Variants in BZW2 observed in about 807,000 individuals in gnomAD.
The protein encoded by BZW2 is basic leucine zipper and W2 domains 2.
A neutral mutation model predicts 53.2 loss-of-function variants in BZW2; 23 were observed. The observed-to-expected ratio is 0.43, with a 90% confidence interval of 0.31 to 0.61. The LOEUF is 0.61. Among genes scored for constraint, BZW2 ranks in the 20% least tolerant of loss-of-function variants. The pLI, the probability that BZW2 is intolerant of heterozygous loss-of-function variation, is 0.09. For synonymous variants in BZW2, 227 were observed against 186.4 expected (o/e 1.22, Z -1.77); for missense variants, 409 against 503.1 (o/e 0.81, Z 1.79).
intron 1 of BZW2, among the ~76,000 whole-genome samples, chr7:16,659,893 C>T (rs1404919012): frequency 1.3e-5 from 2 of 151,044 alleles, no homozygotes; most frequent in Non-Finnish European, 2.9e-5. Context: ...GGTACATGTG[C>T]ACAACGTGCA....
chr7:16,689,337 A>G (rs1783229937), intron 6 of BZW2, among the ~76,000 whole-genome samples: 1 of 152,218 alleles, frequency 6.6e-6, no homozygotes, highest in Admixed American at 6.5e-5. Context: ...ATCTATCACT[A>G]TCAGTGTTCT....
chr7:16,678,699 C>A (rs1039818722), intron 3 of BZW2, among the ~76,000 whole-genome samples: 2 of 152,166 alleles, frequency 1.3e-5, no homozygotes, highest in Non-Finnish European at 1.5e-5. Flanking sequence ...AAGTTTGTTC[C>A]ATATCAGGGG....
intron 1 of BZW2, chr7:16,661,248 A>G (rs967093642): frequency 6.6e-6 from 1 of 152,154 alleles, no homozygotes; most frequent in Non-Finnish European, 1.5e-5. Flanking sequence ...AGGGACAACT[A>G]GAAGGTAAGT....
intron 7 of BZW2, among the ~76,000 whole-genome samples, chr7:16,691,230 C>T (rs1402838256): frequency 6.6e-6 from 1 of 152,138 alleles, no homozygotes; most frequent in Non-Finnish European, 1.5e-5. Context: ...GGGCATGGTA[C>T]CACAAGCTGC....
intron 1 of BZW2, among the ~76,000 whole-genome samples, chr7:16,653,382 C>T (rs1249417477): frequency 6.6e-6 from 1 of 152,128 alleles, no homozygotes; most frequent in Non-Finnish European, 1.5e-5. Context: ...AATAACTTGT[C>T]TTCTGACTTC....
At chr7:16,705,615 G>A (rs1187971399) in intron 11 of BZW2, among the ~76,000 whole-genome samples, 1 of 149,460 alleles carries the variant, frequency 6.7e-6, no homozygotes, top group Non-Finnish European at 1.5e-5. Flanking sequence ...AACACAGGAG[G>A]CGGAGGTTGC....
Position 16,698,123 on chromosome 7 carries a change from T to C in BZW2, c.1045T>C (p.Tyr349His). 3.7e-6 allele frequency: 6 copies of C among 1,614,228 alleles called. No individual in the cohort carries two copies. The highest frequency in any genetic ancestry group is 5.1e-6 in the Non-Finnish European group (6 of 1,180,026). The change falls in exon 10 of 12, where the codon TAC becomes CAC. Residue 349 changes from tyrosine (Y) to histidine (H), a missense_variant. Tyr to His is a moderately conservative substitution (Grantham distance 83). This residue lies in a region of BZW2 where 88 missense variants were observed against 114.6 expected (regional missense o/e 0.77). Transcript: ENST00000258761. ...GATCCTCCTCCAGAAGGTTCAGGAA[T>C]ACTGCTACGACAACATCCATTTCAT... ...ELILLQKVQE[Y>H]CYDNIHFMKA...
chr7:16,659,041 T>A (rs948159053), intron 1 of BZW2, among the ~76,000 whole-genome samples: 1 of 150,702 alleles, frequency 6.6e-6, no homozygotes, highest in Non-Finnish European at 1.5e-5. Context: ...GCAGGAGGAC[T>A]GCTTGAGCTC....
At chr7:16,688,961 C>G (rs1295069984) in intron 6 of BZW2, among the ~76,000 whole-genome samples, 2 of 152,126 alleles carry the variant, frequency 1.3e-5, no homozygotes, top group African/African-American at 4.8e-5. Context: ...TGCAATGGCT[C>G]ATGCCTGCAA....
Position 16,665,463 on chromosome 7 carries a change from C to T in BZW2, c.20C>T (p.Pro7Leu). The T allele has an allele frequency of 6.2e-7, 1 of 1,613,862 alleles. No individual in the cohort carries two copies. Among genetic ancestry groups the T allele is most frequent in the Non-Finnish European group, 8.5e-7 (1 of 1,179,990 alleles). Residue 7 changes from proline to leucine, a missense_variant, in exon 2 of 12, where the codon CCA (proline) becomes CTA (leucine). Transcript: ENST00000258761. Reference sequence around the variant, plus strand: ...AATTTTATGAATAAGCATCAGAAGCCAGTGCTAACAGGCCAGCGGTTCAAA... The same window carrying T: ...AATTTTATGAATAAGCATCAGAAGCTAGTGCTAACAGGCCAGCGGTTCAAA... MNKHQKPVLTGQRFKTR... is the reference protein window; with the variant it reads MNKHQKLVLTGQRFKTR...
chr7:16,656,593 ACAC>A (rs1361580387), intron 1 of BZW2, among the ~76,000 whole-genome samples: 1 of 151,090 alleles, frequency 6.6e-6, no homozygotes, highest in Non-Finnish European at 1.5e-5. Flanking sequence ...ACACACACAC[ACAC>A]AAGTAGGTTT....
chr7:16,673,651 A>C (rs922540544), intron 2 of BZW2, among the ~76,000 whole-genome samples: 16 of 152,090 alleles, frequency 1.1e-4, no homozygotes, highest in African/African-American at 3.4e-4. Flanking sequence ...GATTCCAAAG[A>C]GTTTTTGGGT....
chr7:16,667,009 G>A (rs193128067), intron 2 of BZW2, among the ~76,000 whole-genome samples: 85 of 152,216 alleles, frequency 5.6e-4, no homozygotes, highest in African/African-American at 1.3e-3. Flanking sequence ...GGGGCCAGGC[G>A]TGGTGGCTCA....
At chr7:16,650,493 G>C (rs1781958503) in intron 1 of BZW2, among the ~76,000 whole-genome samples, 1 of 152,136 alleles carries the variant, frequency 6.6e-6, no homozygotes, top group Non-Finnish European at 1.5e-5. Context: ...CCAGGACAGG[G>C]TGTGACTGGT....
At chr7:16,655,061 C>T (rs1027001134) in intron 1 of BZW2, among the ~76,000 whole-genome samples, 2 of 152,088 alleles carry the variant, frequency 1.3e-5, no homozygotes, top group African/African-American at 2.4e-5. Flanking sequence ...TCATAAAAAC[C>T]TGGTTGGACA....
intron 2 of BZW2, among the ~76,000 whole-genome samples, chr7:16,673,186 T>G (rs1583719086): frequency 6.6e-6 from 1 of 152,116 alleles, no homozygotes; most frequent in Non-Finnish European, 1.5e-5. Context: ...GACCTCGTGA[T>G]CCGCCCGCCT....
At chr7:16,686,738 C>T (rs183357740) in intron 6 of BZW2, 1 of 152,156 alleles carries the variant, frequency 6.6e-6, no homozygotes, top group Non-Finnish European at 1.5e-5. Flanking sequence ...AGTTTTCCTC[C>T]TACATATATG....
chr7:16,668,322 G>A (rs547563318), intron 2 of BZW2, among the ~76,000 whole-genome samples: 169 of 152,260 alleles, frequency 1.1e-3, no homozygotes, highest in Non-Finnish European at 1.5e-3. Flanking sequence ...CTTCAGAACC[G>A]GTTTGCCTCT....
intron 3 of BZW2, among the ~76,000 whole-genome samples, chr7:16,677,671 G>T (rs1782808845): frequency 6.6e-6 from 1 of 152,128 alleles, no homozygotes; most frequent in Admixed American, 6.5e-5. Context: ...TAACAAGGAG[G>T]TTAAAGATAC....
Sources: allele counts gnomAD v4.1 joint callset (sites outside exome capture counted in the v4.1 genomes callset), GRCh38; gene constraint gnomAD v4.1.1; regional missense constraint gnomAD v4.1.1; transcripts MANE v1.5; gene names NCBI Gene and HGNC (gene_info 2026-07-23, HGNC 2026-07-21).